MRPS35: variants seen among roughly 807,000 people sequenced by gnomAD.
The protein encoded by MRPS35 is mitochondrial ribosomal protein S35.
MRPS35 carries 29 observed loss-of-function variants against 32.7 expected under a neutral mutation model. That is an observed-to-expected ratio of 0.89 (90% CI 0.66 to 1.21). The LOEUF (loss-of-function observed/expected upper bound fraction) is 1.21, where lower values mean the gene tolerates loss of function less well. MRPS35 is among the 50% of genes most tolerant of loss of function. MRPS35 has a pLI of 0.00. For missense variants in MRPS35, 373 were observed against 383.8 expected, an observed-to-expected ratio of 0.97 and a Z score of 0.23; for synonymous variants, 148 against 139.3, an observed-to-expected ratio of 1.06 and a Z score of -0.44.
intron 7 of MRPS35, among the ~76,000 whole-genome samples, chr12:27,740,455 A>G (rs550643124): frequency 6.6e-6 from 1 of 152,066 alleles, no homozygotes; most frequent in African/African-American, 2.4e-5. Context: ...TTTTTTGTAG[A>G]GATGGGATTT....
At chr12:27,745,985 T>A (rs183487069) in intron 7 of MRPS35, among the ~76,000 whole-genome samples, 13 of 152,334 alleles carry the variant, frequency 8.5e-5, no homozygotes, top group African/African-American at 2.9e-4. Flanking sequence ...TTTGGCTTGG[T>A]TCCAAGTCTT....
At chr12:27,749,324 C>T (rs1188091134) in intron 7 of MRPS35, among the ~76,000 whole-genome samples, 1 of 144,474 alleles carries the variant, frequency 6.9e-6, no homozygotes, top group Non-Finnish European at 1.5e-5. Context: ...GTTAAGGAAA[C>T]TTACCAAAAA....
chr12:27,718,241 A>G (rs1189479621), intron 3 of MRPS35, among the ~76,000 whole-genome samples: 1 of 152,152 alleles, frequency 6.6e-6, no homozygotes, highest in Admixed American at 6.5e-5. Context: ...CCTGGCCAAC[A>G]TAGCAAAACC....
rs2062024471 is a variant in MRPS35 at position 27,755,899 on chromosome 12, A to G, written c.*449A>G. ...CTGCTGTCTAGCTGATGCATTTTTC[A>G]CATTTGTCAACTCTGGTTAGAAACA... On this transcript the variant is annotated 3_prime_UTR_variant, in exon 8 of 8. Coordinates refer to ENST00000081029, the MANE Select transcript of MRPS35 (RefSeq NM_021821.4). 6.6e-6 allele frequency: 1 copy of G among 152,656 alleles called. No homozygotes were observed. Among genetic ancestry groups the G allele is most frequent in the Non-Finnish European group, 1.5e-5 (1 of 68,446 alleles). The allele number at this position is 152,656 out of a possible 1,614,324, so 9.5% of individuals were successfully genotyped here. A position where few individuals can be genotyped will look rare whatever the true frequency, so the allele number is the denominator to read the frequency against.
intron 7 of MRPS35, among the ~76,000 whole-genome samples, chr12:27,751,097 C>T (rs2062000478): frequency 2.1e-5 from 1 of 47,336 alleles, no homozygotes; most frequent in Admixed American, 4.0e-4. Flanking sequence ...AGTGAGACTC[C>T]ATCTCAAAAA....
At chr12:27,718,145 CCAGGTGTGGTGGCT>C (rs1796176043) in intron 3 of MRPS35, among the ~76,000 whole-genome samples, 1 of 152,138 alleles carries the variant, frequency 6.6e-6, no homozygotes, top group Non-Finnish European at 1.5e-5. Flanking sequence ...TATTTTCTGG[CCAGGTGTGGTGGCT>C]CACACCCGTA....
intron 1 of MRPS35, 21 bp downstream of exon 1, chr12:27,710,976 C>T (rs770038421): frequency 1.6e-5 from 25 of 1,604,066 alleles, no homozygotes; most frequent in Non-Finnish European, 2.0e-5. Flanking sequence ...GTCTCGTCTT[C>T]TCTGGGCTTT....
rs2061947682 is a variant in MRPS35, at chr12:27,737,594, T to C, written c.688T>C (p.Tyr230His). The change falls in exon 7 of 8, where the codon TAC becomes CAC. Residue 230 changes from tyrosine (Y) to histidine (H), a missense_variant. Tyr to His is a moderately conservative substitution (Grantham distance 83, BLOSUM62 2). Coordinates refer to ENST00000081029, the MANE Select transcript of MRPS35 (RefSeq NM_021821.4). ...TGCAGTGTATCTACTAACAGTGTTA[T>C]ACCATGAGTCTTGGGTAAGTGTGTG... ...DYAVYLLTVL[Y>H]HESWNTEEWE... The C allele has an allele frequency of 6.2e-7, 1 of 1,609,434 alleles. No homozygotes were observed. The highest frequency in any genetic ancestry group is 8.5e-7 in the Non-Finnish European group (1 of 1,176,082).
chr12:27,746,725 G>A lies in MRPS35; in HGVS notation c.703-8456G>A, dbSNP rs557635570. 1.7e-4 allele frequency among the ~76,000 whole-genome samples: 26 copies of A among 152,274 alleles called. No homozygotes were observed. In the South Asian group the frequency reaches 4.4e-3, roughly 25 times the overall value. Reference sequence around the variant, plus strand: ...TAAAAGACCTTTAAGAAAAACTCAGGTTCTCCTTCCCCACCCAGTGGCTGA... The same window carrying A: ...TAAAAGACCTTTAAGAAAAACTCAGATTCTCCTTCCCCACCCAGTGGCTGA... On this transcript the variant is annotated intron_variant, in intron 7 of 7. Coordinates refer to ENST00000081029, the MANE Select transcript of MRPS35 (RefSeq NM_021821.4).
chr12:27,730,365 G>T (rs1341626457), intron 5 of MRPS35, among the ~76,000 whole-genome samples: 3 of 132,504 alleles, frequency 2.3e-5, no homozygotes, highest in African/African-American at 7.5e-5. Flanking sequence ...CTTTCAACTT[G>T]TTGTGTGTTT....
chr12:27,732,440 G>A (rs1274403271), intron 5 of MRPS35, among the ~76,000 whole-genome samples: 1 of 152,082 alleles, frequency 6.6e-6, no homozygotes, highest in East Asian at 1.9e-4. Context: ...TACCCCTTCT[G>A]CTGACTTCAT....
At chr12:27,734,976 G>C (rs2061937284) in intron 5 of MRPS35, among the ~76,000 whole-genome samples, 1 of 152,068 alleles carries the variant, frequency 6.6e-6, no homozygotes, top group African/African-American at 2.4e-5. Flanking sequence ...GATATCTGTA[G>C]CTTTTAAAAA....
chr12:27,755,099 A>T, intron 7 of MRPS35, 82 bp from the exon 8 acceptor site: 1 of 1,385,732 alleles, frequency 7.2e-7, no homozygotes, highest in Non-Finnish European at 9.7e-7. Context: ...AAAAAAAAAG[A>T]AGAAAGAAAG....
intron 3 of MRPS35, 43 bp from the exon 4 acceptor site, chr12:27,719,765 T>A: frequency 1.6e-6 from 2 of 1,225,004 alleles, no homozygotes; most frequent in Non-Finnish European, 2.4e-6. Context: ...TTCATGTTTT[T>A]AAGACATTTA....
chr12:27,733,344 G>A (rs931782303), intron 5 of MRPS35, among the ~76,000 whole-genome samples: 38 of 152,094 alleles, frequency 2.5e-4, no homozygotes, highest in African/African-American at 8.2e-4. Flanking sequence ...TAATGTTAAT[G>A]TGAGTTTTAA....
intron 4 of MRPS35, among the ~76,000 whole-genome samples, chr12:27,722,677 G>T (rs985414843): frequency 2.6e-5 from 4 of 152,028 alleles, no homozygotes; most frequent in Non-Finnish European, 5.9e-5. Context: ...CAACAATCTT[G>T]CTCTGTTCAT....
intron 7 of MRPS35, among the ~76,000 whole-genome samples, chr12:27,743,017 T>C (rs945515840): frequency 2.6e-5 from 4 of 151,832 alleles, no homozygotes; most frequent in Admixed American, 1.3e-4. Flanking sequence ...AGTGTCACCA[T>C]GCGGAGCTAA....
intron 1 of MRPS35, among the ~76,000 whole-genome samples, chr12:27,713,582 A>G (rs147011761): frequency 0.014 from 2,129 of 152,160 alleles, 38 homozygotes; most frequent in African/African-American, 0.047. Context: ...GAAGAGAGAG[A>G]GAGAGAATAT....
chr12:27,719,986 G>A, intron 4 of MRPS35, 118 bp downstream of exon 4: 1 of 719,576 alleles, frequency 1.4e-6, no homozygotes, highest in Non-Finnish European at 2.3e-6. Flanking sequence ...ATTGTTACAT[G>A]TCAAGTCTGC....
Sources: allele counts gnomAD v4.1 joint callset (sites outside exome capture counted in the v4.1 genomes callset), GRCh38; gene constraint gnomAD v4.1.1; transcripts MANE v1.5; gene names NCBI Gene and HGNC (gene_info 2026-07-23, HGNC 2026-07-21).